Variants in SYT13 observed in about 807,000 individuals in gnomAD.
SYT13 encodes the protein synaptotagmin-13.
A neutral mutation model predicts 38.6 loss-of-function variants in SYT13; 21 were observed. That is an observed-to-expected ratio of 0.54 (90% CI 0.39 to 0.78). SYT13 has a LOEUF of 0.78. Among genes scored for constraint, SYT13 ranks in the 30% least tolerant of loss-of-function variants. SYT13 has a pLI of 0.00. For missense variants in SYT13, 495 were observed against 548.7 expected, an observed-to-expected ratio of 0.90 and a Z score of 0.98; for synonymous variants, 241 against 237.6, an observed-to-expected ratio of 1.01 and a Z score of -0.13.
In SYT13 at chr11:45,246,416, G is replaced by A; in HGVS notation, c.943C>T (p.His315Tyr). 1 of 1,614,094 alleles carries A rather than the reference G, an allele frequency of 6.2e-7. No homozygotes were observed. The highest frequency in any genetic ancestry group is 8.5e-7 in the Non-Finnish European group (1 of 1,180,010). The part of the protein sequence containing the change: ...LVVLIKAKNL[H>Y]SNQSKELLGK... ...AGGAGCTCCTTGGACTGGTTAGAGT[G>A]GAGGTTCTTGGCTTTAATCAGCACC... Residue 315 changes from histidine to tyrosine, a missense_variant, in exon 5 of 6, where the codon CAC becomes TAC. His to Tyr is a moderately conservative substitution (Grantham distance 83, BLOSUM62 2). Coordinates refer to ENST00000020926, the MANE Select transcript of SYT13 (RefSeq NM_020826.3).
At chr11:45,255,274 C>T (rs984469767) in intron 2 of SYT13, among the ~76,000 whole-genome samples, 1 of 152,190 alleles carries the variant, frequency 6.6e-6, no homozygotes, top group Admixed American at 6.5e-5. Flanking sequence ...AGTCTAGTCT[C>T]ATTTTATAGA....
chr11:45,278,301 C>T (rs1403905774), intron 1 of SYT13, among the ~76,000 whole-genome samples: 1 of 152,122 alleles, frequency 6.6e-6, no homozygotes, highest in African/African-American at 2.4e-5. Context: ...GGGAGGTGAA[C>T]TGCTGCTGGT....
intron 1 of SYT13, among the ~76,000 whole-genome samples, chr11:45,282,322 A>G (rs1324016629): frequency 6.6e-6 from 1 of 152,192 alleles, no homozygotes; most frequent in Non-Finnish European, 1.5e-5. Flanking sequence ...GGCACTGTCT[A>G]AGAAGGCAGG....
chr11:45,282,559 T>C (rs1194372385), intron 1 of SYT13, among the ~76,000 whole-genome samples: 2 of 152,130 alleles, frequency 1.3e-5, no homozygotes, highest in Non-Finnish European at 1.5e-5. Context: ...AATAACAGAG[T>C]CTAGCAGGAG....
chr11:45,263,753 G>T (rs1854848352), intron 1 of SYT13, among the ~76,000 whole-genome samples: 1 of 152,230 alleles, frequency 6.6e-6, no homozygotes, highest in Non-Finnish European at 1.5e-5. Context: ...CTGCTGGTCA[G>T]GTATTCAGGC....
chr11:45,282,007 C>A (rs2135912915), intron 1 of SYT13, among the ~76,000 whole-genome samples: 1 of 152,258 alleles, frequency 6.6e-6, no homozygotes, highest in Non-Finnish European at 1.5e-5. Context: ...TGAAAGGTCC[C>A]AGAAGTGGGC....
intron 1 of SYT13, among the ~76,000 whole-genome samples, chr11:45,272,602 T>C (rs1023965568): frequency 6.6e-6 from 1 of 152,218 alleles, no homozygotes; most frequent in Non-Finnish European, 1.5e-5. Flanking sequence ...ACCTAATAGA[T>C]TTCCTTCTGT....
intron 1 of SYT13, among the ~76,000 whole-genome samples, chr11:45,277,850 A>C (rs1277159285): frequency 6.6e-6 from 1 of 152,214 alleles, no homozygotes; most frequent in Non-Finnish European, 1.5e-5. Flanking sequence ...ACCTACCACC[A>C]GCACACATTT....
rs774246336 is a variant in SYT13 at position 45,255,798 on chromosome 11, C to G, written c.277G>C (p.Glu93Gln). 7.4e-6 allele frequency: 12 copies of G among 1,614,210 alleles called. No individual in the cohort carries two copies. The highest frequency in any genetic ancestry group is 1.1e-5 in the South Asian group (1 of 91,082). ...YGPRPAVTAP[E>Q]VINYADYSLR... ...GAATAGTCTGCATAGTTGATGACCTCTGGAGCCGTCACAGCTGGCCTGGGT... is the reference window on the plus strand; with the variant it reads ...GAATAGTCTGCATAGTTGATGACCTGTGGAGCCGTCACAGCTGGCCTGGGT... Residue 93 changes from glutamate to glutamine, a missense_variant, in exon 2 of 6, where the codon GAG (glutamate) becomes CAG (glutamine). By Grantham distance (29) the Glu-to-Gln change is conservative. Transcript: ENST00000020926.
intron 1 of SYT13, among the ~76,000 whole-genome samples, chr11:45,270,331 T>C (rs890908647): frequency 3.5e-4 from 54 of 152,376 alleles, no homozygotes; most frequent in African/African-American, 1.3e-3. Flanking sequence ...TTTGTGTTTC[T>C]AATTTAATGT....
intron 1 of SYT13, among the ~76,000 whole-genome samples, chr11:45,276,712 TAAA>T (rs202057732): frequency 7.6e-6 from 1 of 131,336 alleles, no homozygotes. Context: ...GATGACTTTT[TAAA>T]AAAAAAAAAT....
chr11:45,263,965 G>A lies in SYT13; in HGVS notation c.184-8074C>T, dbSNP rs543871182. Among the ~76,000 whole-genome samples the A allele has an allele frequency of 1.2e-4, 19 of 152,328 alleles. No individual in the cohort carries two copies. The East Asian group carries it at 3.3e-3, about 26-fold the overall frequency. The stretch of plus-strand genomic sequence containing the variant: ...AGCTCTTAGGACAGAGGCTAGCCCA[G>A]CCAACCCTCGACAAATGTCGGCAAT... On this transcript the variant is annotated intron_variant, in intron 1 of 5. Coordinates refer to ENST00000020926, the MANE Select transcript of SYT13 (RefSeq NM_020826.3).
At chr11:45,274,364 G>T (rs1854985244) in intron 1 of SYT13, among the ~76,000 whole-genome samples, 1 of 152,148 alleles carries the variant, frequency 6.6e-6, no homozygotes, top group African/African-American at 2.4e-5. Flanking sequence ...GCCACTTAAA[G>T]AATCTGCTCC....
chr11:45,285,718 T>C (rs1855125814), intron 1 of SYT13: 1 of 618,040 alleles, frequency 1.6e-6, no homozygotes, highest in Admixed American at 2.2e-5. Context: ...CAGCCCTAAT[T>C]CTTATCCAGG....
chr11:45,243,963 T>C lies in SYT13; in HGVS notation c.*89A>G, dbSNP rs145131600. The stretch of plus-strand genomic sequence containing the variant: ...TGCAAACACATCTGTCACTGTCTTC[T>C]GGGTGTCAGAATGAGGAAAGGGGCA... On this transcript the variant is annotated 3_prime_UTR_variant, in exon 6 of 6. Transcript: ENST00000020926. The C allele has an allele frequency of 2.6e-4, 355 of 1,353,556 alleles. 3 individuals are homozygous for C. The East Asian group carries it at 7.7e-3, about 29-fold the overall frequency. The allele number at this position is 1,353,556 out of a possible 1,614,324, so 83.8% of individuals were successfully genotyped here.
At chr11:45,271,583 CA>C (rs950440868) in intron 1 of SYT13, among the ~76,000 whole-genome samples, 15 of 151,782 alleles carry the variant, frequency 9.9e-5, no homozygotes, top group East Asian at 1.9e-4. Context: ...GAATGCCAAG[CA>C]AAAAAATCTT....
At chr11:45,260,952 G>A (rs369228117) in intron 1 of SYT13, among the ~76,000 whole-genome samples, 18 of 152,116 alleles carry the variant, frequency 1.2e-4, no homozygotes, top group South Asian at 6.2e-4. Context: ...GAGACACCAG[G>A]GACACTCTGT....
At chr11:45,248,038 C>T (rs111426212) in intron 4 of SYT13, among the ~76,000 whole-genome samples, 72 of 152,328 alleles carry the variant, frequency 4.7e-4, no homozygotes, top group African/African-American at 1.5e-3. Context: ...ACCAGATTAA[C>T]TGTGTCTGAG....
At chr11:45,256,529 A>G (rs1357193976) in intron 1 of SYT13, among the ~76,000 whole-genome samples, 1 of 152,062 alleles carries the variant, frequency 6.6e-6, no homozygotes, top group Non-Finnish European at 1.5e-5. Context: ...CAAGGAGTCC[A>G]TCTCTAACCT....
Sources: allele counts gnomAD v4.1 joint callset (sites outside exome capture counted in the v4.1 genomes callset), GRCh38; gene constraint gnomAD v4.1.1; transcripts MANE v1.5; gene names NCBI Gene and HGNC (gene_info 2026-07-23, HGNC 2026-07-21).